Variants in ANKUB1 observed in about 807,000 individuals in gnomAD.
ANKUB1 encodes the protein ankyrin repeat and ubiquitin domain containing 1.
Under a neutral mutation model 49.3 loss-of-function variants are expected in ANKUB1, and 42 were observed. The observed-to-expected ratio is 0.85, with a 90% CI of 0.67 to 1.10. ANKUB1 has a LOEUF of 1.10. Ranked by LOEUF, ANKUB1 falls within the 50% of genes least tolerant of loss-of-function variation. The pLI is 0.00. For missense variants in ANKUB1, 613 were observed against 642.0 expected (o/e 0.95, Z 0.49); for synonymous variants, 222 against 231.0 (o/e 0.96, Z 0.35).
chr3:149,782,419 G>A (rs1717911139), intron 2 of ANKUB1, among the ~76,000 whole-genome samples: 1 of 151,958 alleles, frequency 6.6e-6, no homozygotes, highest in African/African-American at 2.4e-5. Context: ...GGTGTGTGAG[G>A]TTAGATAAGT....
chr3:149,792,421 G>A lies in ANKUB1; in HGVS notation c.-55C>T. The stretch of plus-strand genomic sequence containing the variant: ...TCCAACTTTTTCAAAGATTCTCCTG[G>A]ATGGCTAGAAAAATTCCGGTTCACA... On this transcript the variant is annotated 5_prime_UTR_variant, in exon 1 of 6. Transcript: ENST00000446160. 7.4e-7 allele frequency: 1 copy of A among 1,354,144 alleles called. No homozygotes were observed. Among genetic ancestry groups the A allele is most frequent in the Non-Finnish European group, 9.8e-7 (1 of 1,018,432 alleles). 83.9% of individuals were successfully genotyped at this position (1,354,144 alleles called of 1,614,324 possible). A position where few individuals can be genotyped will look rare whatever the true frequency, so the allele number is the denominator to read the frequency against.
rs779523754 is a variant in ANKUB1 at position 149,792,162 on chromosome 3, G to A, written c.90+115C>T. 42 of 581,200 alleles carry A rather than the reference G, an allele frequency of 7.2e-5. No homozygotes were observed. The East Asian group carries it at 7.3e-4, about 10-fold the overall frequency. The allele number at this position is 581,200 out of a possible 1,614,324, so 36.0% of individuals were successfully genotyped here. A position where few individuals can be genotyped will look rare whatever the true frequency, so the allele number is the denominator to read the frequency against. On this transcript the variant is annotated intron_variant, in intron 1 of 5. Transcript: ENST00000446160. ...ATAATAGTATTTTCAAATAGTTTTC[G>A]TTCCCTGTTTGCTGAAAATGTACCC...
At position 149,767,703 on chromosome 3, in the gene ANKUB1, A is replaced by T; in HGVS notation, c.959T>A (p.Ile320Asn). 6.4e-7 allele frequency: 1 copy of T among 1,551,670 alleles called. No homozygotes were observed. The highest frequency in any genetic ancestry group is 1.4e-5 in the African/African-American group (1 of 73,168). The part of the protein sequence containing the change: ...MRIYIKIKQW[I>N]LRAQSHSLHK... ...AAGACTGTGACTCTGAGCTCTGAGG[A>T]TCCATTGTTTTATTTTAATATAAAT... The change falls in exon 5 of 6, where the codon ATC becomes AAC. Residue 320 changes from isoleucine (I) to asparagine (N), a missense_variant. Coordinates refer to ENST00000446160, the MANE Select transcript of ANKUB1 (RefSeq NM_001144960.3).
intron 5 of ANKUB1, among the ~76,000 whole-genome samples, chr3:149,764,314 CTCCTT>C (rs1360687705): frequency 6.6e-6 from 1 of 152,022 alleles, no homozygotes; most frequent in African/African-American, 2.4e-5. Context: ...TTGTAGATCT[CTCCTT>C]CCCTTCCACA....
At chr3:149,787,398 G>A (rs983921908) in intron 2 of ANKUB1, among the ~76,000 whole-genome samples, 17 of 152,174 alleles carry the variant, frequency 1.1e-4, no homozygotes, top group Admixed American at 2.6e-4. Context: ...AGGAATACTC[G>A]TGATTTTTGC....
intron 2 of ANKUB1, among the ~76,000 whole-genome samples, chr3:149,786,747 T>C (rs28791849): frequency 0.05 from 7,611 of 152,322 alleles, 248 homozygotes; most frequent in African/African-American, 0.084. Flanking sequence ...CCATCTTGAA[T>C]TAATTTTTGT....
chr3:149,780,875 G>A (rs1183476039), intron 2 of ANKUB1, among the ~76,000 whole-genome samples: 1 of 152,074 alleles, frequency 6.6e-6, no homozygotes, highest in Non-Finnish European at 1.5e-5. Context: ...CCTGGCAAGT[G>A]GAACTGAGTT....
At chr3:149,789,401 AG>A (rs1718259465) in intron 2 of ANKUB1, among the ~76,000 whole-genome samples, 1 of 152,144 alleles carries the variant, frequency 6.6e-6, no homozygotes, top group South Asian at 2.1e-4. Flanking sequence ...CCAAAAACCT[AG>A]TATGGAAATA....
At chr3:149,768,143 A>G (rs546961449) in intron 4 of ANKUB1, 48 bp from the exon 5 acceptor site, 1 of 1,238,032 alleles carries the variant, frequency 8.1e-7, no homozygotes, top group Admixed American at 3.3e-5. Flanking sequence ...AAATCAGCAA[A>G]CAGACAAATG....
rs1184066535 is a variant in ANKUB1 at position 149,790,917 on chromosome 3, A to G, written c.98T>C (p.Phe33Ser). 1 of 1,551,122 alleles carries G rather than the reference A, an allele frequency of 6.4e-7. No homozygotes were observed. The highest frequency in any genetic ancestry group is 1.4e-5 in the African/African-American group (1 of 73,004). ...TTTGTCTTCAGAGAGAGGAATGTGG[A>G]AATAATCCTTAAAAATCAATAGCAT... is the stretch of plus-strand genomic sequence containing the variant. ...EVVKLMIKDYFHIPLSEDKQG... is the reference protein window; with the variant it reads ...EVVKLMIKDYSHIPLSEDKQG... The change falls in exon 2 of 6, where the codon TTC becomes TCC. Residue 33 changes from phenylalanine (F) to serine (S), a missense_variant. Phe to Ser is a radical substitution (Grantham distance 155). Transcript: ENST00000446160.
In ANKUB1 at chr3:149,767,340, A is replaced by G. The variant is rs907390919; in HGVS notation, c.1322T>C (p.Ile441Thr). The change falls in exon 5 of 6, where the codon ATA becomes ACA. Residue 441 changes from isoleucine (I) to threonine (T), a missense_variant. Physicochemically the swap from Ile to Thr is moderately conservative, Grantham distance 89 (BLOSUM62 -1). Coordinates refer to ENST00000446160, the MANE Select transcript of ANKUB1 (RefSeq NM_001144960.3). The stretch of plus-strand genomic sequence containing the variant: ...GACTTGGGGAAGATATGTGTTTTTT[A>G]TGAGCTTTTCTTTTTTCCTAGCTGT... ...TATARKKEKL[I>T]KNTYLPQVPL... The G allele has an allele frequency of 1.5e-4, 225 of 1,550,032 alleles. No individual in the cohort carries two copies. The highest frequency in any genetic ancestry group is 1.9e-4 in the Non-Finnish European group (217 of 1,146,666).
intron 2 of ANKUB1, 62 bp from the exon 3 acceptor site, chr3:149,780,517 C>CAG (rs1717815454): frequency 7.6e-7 from 1 of 1,312,942 alleles, no homozygotes; most frequent in East Asian, 2.5e-5. Context: ...CCAAGCATTT[C>CAG]AGAGGGTAGC....
At chr3:149,772,985 A>C (rs890773681) in intron 3 of ANKUB1, among the ~76,000 whole-genome samples, 4 of 152,208 alleles carry the variant, frequency 2.6e-5, no homozygotes, top group African/African-American at 4.8e-5. Flanking sequence ...CAGCCCACTC[A>C]GCAGCCCCCT....
chr3:149,765,548 G>GCACACA (rs59155543), intron 5 of ANKUB1, among the ~76,000 whole-genome samples: 1 of 147,552 alleles, frequency 6.8e-6, no homozygotes, highest in African/African-American at 2.5e-5. Flanking sequence ...ACACACACAT[G>GCACACA]CACACACACA....
intron 5 of ANKUB1, among the ~76,000 whole-genome samples, chr3:149,764,520 A>G (rs1444280458): frequency 2.0e-5 from 2 of 97,848 alleles, no homozygotes; most frequent in Non-Finnish European, 4.3e-5. Context: ...CACTCCCCCT[A>G]TGGGTCTCCC....
intron 5 of ANKUB1, among the ~76,000 whole-genome samples, chr3:149,763,464 C>T (rs1461955904): frequency 6.6e-6 from 1 of 152,166 alleles, no homozygotes; most frequent in Non-Finnish European, 1.5e-5. Context: ...TTAAAACATA[C>T]AAGATATGCC....
intron 3 of ANKUB1, among the ~76,000 whole-genome samples, chr3:149,771,041 C>T (rs1717337029): frequency 6.6e-6 from 1 of 152,202 alleles, no homozygotes; most frequent in African/African-American, 2.4e-5. Flanking sequence ...GCAGGACAAA[C>T]AGTCTTCTGG....
intron 5 of ANKUB1, chr3:149,764,025 AC>A (rs1315885060): frequency 4.4e-6 from 2 of 455,978 alleles, no homozygotes; most frequent in African/African-American, 4.0e-5. Context: ...CACTTTACCC[AC>A]CTGATCCCTG....
intron 3 of ANKUB1, chr3:149,778,207 C>T (rs2108273067): frequency 6.6e-6 from 1 of 152,474 alleles, no homozygotes; most frequent in South Asian, 2.1e-4. Flanking sequence ...TTCTTCTTTC[C>T]TTGCCTCTCC....
Sources: gnomAD v4.1 joint callset for allele counts (sites outside exome capture counted in the v4.1 genomes callset) on GRCh38, gnomAD v4.1.1 for gene constraint, MANE v1.5 for transcripts, NCBI Gene and HGNC (gene_info 2026-07-23, HGNC 2026-07-21) for gene names.